Variants in DCAF8 observed in about 807,000 individuals in gnomAD.
DCAF8 encodes the protein DDB1 and CUL4 associated factor 8.
In DCAF8, 20 loss-of-function variants were observed where a neutral mutation model predicts 68.0. That is an observed-to-expected ratio of 0.29 (90% CI 0.21 to 0.43). The LOEUF is 0.43. Ranked by LOEUF, DCAF8 falls within the 20% of genes least tolerant of loss-of-function variation. The pLI is 1.00. For missense variants in DCAF8, 460 were observed against 771.0 expected, an observed-to-expected ratio of 0.60 and a Z score of 4.78; for synonymous variants, 230 against 276.9, an observed-to-expected ratio of 0.83 and a Z score of 1.68.
intron 2 of DCAF8, among the ~76,000 whole-genome samples, chr1:160,248,442 G>C (rs574938261): frequency 5.9e-4 from 89 of 152,002 alleles, no homozygotes; most frequent in South Asian, 1.2e-3. Flanking sequence ...TAAAACTGTC[G>C]CAACAGGCTG....
chr1:160,248,307 G>GA (rs200098593), intron 2 of DCAF8, among the ~76,000 whole-genome samples: 139 of 130,006 alleles, frequency 1.1e-3, no homozygotes, highest in East Asian at 1.7e-3. Context: ...ACTCCATCTA[G>GA]AAAAAAAAAA....
chr1:160,218,098 TATGAAGATAGC>T, intron 13 of DCAF8: 1 of 576,016 alleles, frequency 1.7e-6, no homozygotes, highest in Admixed American at 3.0e-5. Flanking sequence ...CTTTTGCCTT[TATGAAGATAGC>T]ATTACACATG....
At chr1:160,254,236 C>T (rs917169431) in intron 2 of DCAF8, among the ~76,000 whole-genome samples, 3 of 151,688 alleles carry the variant, frequency 2.0e-5, no homozygotes, top group African/African-American at 4.9e-5. Flanking sequence ...GCAGAAGAAT[C>T]GCATGAAACT....
At chr1:160,256,525 T>A (rs1446412027) in intron 2 of DCAF8, among the ~76,000 whole-genome samples, 1 of 151,990 alleles carries the variant, frequency 6.6e-6, no homozygotes, top group African/African-American at 2.4e-5. Flanking sequence ...TTGACTACCA[T>A]TAGAGGTAAA....
chr1:160,253,111 C>A (rs776375262), intron 2 of DCAF8, among the ~76,000 whole-genome samples: 1 of 152,062 alleles, frequency 6.6e-6, no homozygotes, highest in Non-Finnish European at 1.5e-5. Flanking sequence ...TTGAGGAATA[C>A]CTACCCTTAG....
intron 12 of DCAF8, 32 bp downstream of exon 12, chr1:160,218,817 A>T: frequency 6.2e-7 from 1 of 1,613,224 alleles, no homozygotes; most frequent in Non-Finnish European, 8.5e-7. Flanking sequence ...GGATAAGCAG[A>T]AAGAAAATAA....
intron 2 of DCAF8, among the ~76,000 whole-genome samples, chr1:160,247,002 A>G (rs1656366489): frequency 6.6e-6 from 1 of 152,230 alleles, no homozygotes; most frequent in South Asian, 2.1e-4. Context: ...ACCAAAGAAT[A>G]CAGTCTTAAC....
intron 12 of DCAF8, 91 bp from the exon 13 acceptor site, chr1:160,218,531 C>A: frequency 9.8e-7 from 1 of 1,021,418 alleles, no homozygotes; most frequent in Middle Eastern, 2.7e-4. Flanking sequence ...CCAATAAAAG[C>A]TTCCCTTAAG....
chr1:160,229,508 T>C (rs1655597168), intron 7 of DCAF8, among the ~76,000 whole-genome samples: 2 of 152,176 alleles, frequency 1.3e-5, no homozygotes, highest in Admixed American at 1.3e-4. Context: ...CATACATACA[T>C]ATGAATACAG....
chr1:160,241,151 C>CA (rs1056618277), intron 3 of DCAF8, among the ~76,000 whole-genome samples: 3 of 151,696 alleles, frequency 2.0e-5, no homozygotes, highest in African/African-American at 4.8e-5. Context: ...GACTCCATCT[C>CA]AAAAAAAAGA....
At chr1:160,222,424 C>T (rs1480726124) in intron 11 of DCAF8, among the ~76,000 whole-genome samples, 1 of 152,128 alleles carries the variant, frequency 6.6e-6, no homozygotes, top group Admixed American at 6.5e-5. Flanking sequence ...CCCTAAGATC[C>T]CTTTCTTGTC....
intron 11 of DCAF8, chr1:160,220,161 C>T (rs1362266996): frequency 6.6e-6 from 1 of 152,272 alleles, no homozygotes; most frequent in African/African-American, 2.4e-5. Flanking sequence ...CGTTCTTTAT[C>T]TCCTCCTCCC....
rs73027624 is a variant in DCAF8, at chr1:160,236,701, G to A, written c.959+434C>T. Among the ~76,000 whole-genome samples the A allele has an allele frequency of 7.1e-3, 1,082 of 152,260 alleles. 18 individuals are homozygous for A. The highest frequency in any genetic ancestry group is 0.025 in the African/African-American group (1,021 of 41,542). On this transcript the variant is annotated intron_variant, in intron 6 of 13. Coordinates refer to ENST00000368074, the MANE Select transcript of DCAF8 (RefSeq NM_015726.4). ...TCAGATTCACATACAAATGAACTGT[G>A]ATAAAACAGAACTCAACTACAGCTA...
intron 12 of DCAF8, 94 bp from the exon 13 acceptor site, chr1:160,218,534 C>A: frequency 1.0e-6 from 1 of 993,242 alleles, no homozygotes; most frequent in Non-Finnish European, 1.6e-6. Context: ...ATAAAAGCTT[C>A]CCTTAAGTTG....
At chr1:160,241,822 G>C (rs200391112) in intron 3 of DCAF8, among the ~76,000 whole-genome samples, 2 of 152,336 alleles carry the variant, frequency 1.3e-5, no homozygotes, top group East Asian at 3.9e-4. Context: ...GCCTAGTCAT[G>C]TGGATTAGAG....
At chr1:160,226,150 A>G (rs1025006118) in intron 7 of DCAF8, among the ~76,000 whole-genome samples, 1 of 152,188 alleles carries the variant, frequency 6.6e-6, no homozygotes. Context: ...CTCAAGTTTT[A>G]TATCACATAC....
At chr1:160,219,041 G>A (rs757377785) in intron 11 of DCAF8, 73 bp from the exon 12 acceptor site, 1 of 1,583,024 alleles carries the variant, frequency 6.3e-7, no homozygotes, top group African/African-American at 1.4e-5. Flanking sequence ...TACTCACCTT[G>A]AGCCAAATAA....
intron 7 of DCAF8, among the ~76,000 whole-genome samples, chr1:160,228,876 A>C (rs1048622551): frequency 1.3e-5 from 2 of 152,226 alleles, no homozygotes; most frequent in Non-Finnish European, 2.9e-5. Context: ...GAAGAATAAG[A>C]AAGGAGAAAC....
rs1244457859 is a variant in DCAF8 at position 160,216,381 on chromosome 1, A to T, written c.*1211T>A. On this transcript the variant is annotated 3_prime_UTR_variant, in exon 14 of 14. Transcript: ENST00000368074. ...TAGTCTGCAGTGGTGGCACCACCCT[A>T]AAGTAGTTAAGTTTTAAAGACAGGC... 3 of 152,122 alleles carry T rather than the reference A, an allele frequency of 2.0e-5. No individual in the cohort carries two copies. Among genetic ancestry groups the T allele is most frequent in the Non-Finnish European group, 4.4e-5 (3 of 68,040 alleles). The allele number at this position is 152,122 out of a possible 1,614,324, so 9.4% of individuals were successfully genotyped here.
Sources: gnomAD v4.1 joint callset for allele counts (sites outside exome capture counted in the v4.1 genomes callset) on GRCh38, gnomAD v4.1.1 for gene constraint, MANE v1.5 for transcripts, NCBI Gene and HGNC (gene_info 2026-07-23, HGNC 2026-07-21) for gene names.